The following THEMIS variants were observed in gnomAD, a reference collection of about 807,000 sequenced individuals.
THEMIS encodes the protein thymocyte selection associated.
In THEMIS, 37 loss-of-function variants were observed where a neutral mutation model predicts 52.6. That is an observed-to-expected ratio of 0.70 (90% CI 0.54 to 0.93). The LOEUF (loss-of-function observed/expected upper bound fraction) is 0.93, where lower values mean the gene tolerates loss of function less well. THEMIS is among the 40% of genes least tolerant of loss of function. The pLI is 0.00. For synonymous variants in THEMIS, 292 were observed against 272.7 expected, an observed-to-expected ratio of 1.07 and a Z score of -0.70; for missense variants, 808 against 763.1, an observed-to-expected ratio of 1.06 and a Z score of -0.69.
At chr6:127,819,683 G>T in intron 3 of THEMIS, among the ~76,000 whole-genome samples, 1 of 152,128 alleles carries the variant, frequency 6.6e-6, no homozygotes, top group East Asian at 1.9e-4. Context: ...TGCATCCAGT[G>T]AAATCATCCT....
chr6:127,731,058 T>C (rs1004963667), intron 4 of THEMIS, among the ~76,000 whole-genome samples: 1 of 152,380 alleles, frequency 6.6e-6, no homozygotes, highest in South Asian at 2.1e-4. Context: ...ACTTTGCTTC[T>C]ATAAATTAGG....
rs1293933366 is a variant in THEMIS, at chr6:127,785,255, CT to C, written c.1758+27627del. On this transcript the variant is annotated intron_variant, in intron 4 of 5. Transcript: ENST00000368248. ...ATCTATCTATCTATCTATCTATCAT[CT>C]ATCTATTTATCACCTATCTACCTGT... is the stretch of plus-strand genomic sequence containing the variant. Among the ~76,000 whole-genome samples, 7 of 135,934 alleles carry C rather than the reference CT, an allele frequency of 5.1e-5. 1 individual carries two copies. Among genetic ancestry groups the C allele is most frequent in the East Asian group, 2.1e-4 (1 of 4,772 alleles). 89.2% of individuals were successfully genotyped at this position (135,934 alleles called of 152,430 possible).
chr6:127,856,115 G>A (rs990254688), intron 1 of THEMIS, among the ~76,000 whole-genome samples: 2 of 151,914 alleles, frequency 1.3e-5, no homozygotes, highest in African/African-American at 4.8e-5. Context: ...GATGATTTAC[G>A]TTGTCTTTGC....
intron 1 of THEMIS, among the ~76,000 whole-genome samples, chr6:127,888,877 C>G (rs1780721869): frequency 6.6e-6 from 1 of 152,038 alleles, no homozygotes; most frequent in South Asian, 2.1e-4. Context: ...AGTAACTTCC[C>G]TGACATTATA....
chr6:127,871,953 C>A (rs1780170212), intron 1 of THEMIS, among the ~76,000 whole-genome samples: 1 of 152,112 alleles, frequency 6.6e-6, no homozygotes, highest in South Asian at 2.1e-4. Context: ...GCTAGTGAAG[C>A]TAGTATTGCC....
At chr6:127,888,314 A>G (rs1780705265) in intron 1 of THEMIS, among the ~76,000 whole-genome samples, 1 of 152,102 alleles carries the variant, frequency 6.6e-6, no homozygotes, top group African/African-American at 2.4e-5. Context: ...GACATCCATG[A>G]TTCTAGATGC....
chr6:127,906,955 A>C (rs1041415879), intron 1 of THEMIS, among the ~76,000 whole-genome samples: 3 of 150,108 alleles, frequency 2.0e-5, no homozygotes, highest in Non-Finnish European at 3.0e-5. Context: ...TTAAAAAACA[A>C]AAAAAAAAAT....
At chr6:127,871,628 A>G (rs1780158853) in intron 1 of THEMIS, among the ~76,000 whole-genome samples, 1 of 152,140 alleles carries the variant, frequency 6.6e-6, no homozygotes, top group Admixed American at 6.6e-5. Flanking sequence ...GCACTACAGA[A>G]CATTCAGACA....
At chr6:127,787,329 T>C (rs1776986090) in intron 4 of THEMIS, among the ~76,000 whole-genome samples, 1 of 152,056 alleles carries the variant, frequency 6.6e-6, no homozygotes, top group Non-Finnish European at 1.5e-5. Context: ...TTCCTTTAGC[T>C]GGAAAACTTG....
At chr6:127,875,783 T>A (rs1438824338) in intron 1 of THEMIS, among the ~76,000 whole-genome samples, 2 of 152,208 alleles carry the variant, frequency 1.3e-5, no homozygotes, top group Admixed American at 6.5e-5. Flanking sequence ...GTAGACTGTT[T>A]CAGAGCTTTG....
At chr6:127,871,795 T>G (rs1780165248) in intron 1 of THEMIS, among the ~76,000 whole-genome samples, 1 of 152,136 alleles carries the variant, frequency 6.6e-6, no homozygotes, top group Admixed American at 6.6e-5. Context: ...TTAAGGAAAT[T>G]TAATTCATAT....
At chr6:127,906,471 T>C (rs1419624264) in intron 1 of THEMIS, among the ~76,000 whole-genome samples, 3 of 152,030 alleles carry the variant, frequency 2.0e-5, no homozygotes, top group African/African-American at 7.2e-5. Context: ...TAGTCACTCA[T>C]CTATATTACA....
At chr6:127,791,376 A>T (rs1466363629) in intron 4 of THEMIS, among the ~76,000 whole-genome samples, 10 of 152,034 alleles carry the variant, frequency 6.6e-5, no homozygotes, top group Admixed American at 6.5e-4. Flanking sequence ...CTCTCAGGAG[A>T]CAGGAGACCC....
Position 127,898,590 on chromosome 6 carries a change from T to TCA in THEMIS, c.91+2250_91+2251dup, listed in dbSNP as rs563313040. Among the ~76,000 whole-genome samples, 1,201 of 150,690 alleles carry TCA rather than the reference T, an allele frequency of 8.0e-3. 14 individuals carry two copies. The highest frequency in any genetic ancestry group is 0.025 in the African/African-American group (1,051 of 41,236). ...CACTATGAGAAACAGTGTGAAGTTT[T>TCA]CACACACACACACACACAAAAATAG... is the stretch of plus-strand genomic sequence containing the variant. On this transcript the variant is annotated intron_variant, in intron 1 of 5. Transcript: ENST00000368248.
chr6:127,912,202 T>C (rs1781428533), intron 1 of THEMIS, among the ~76,000 whole-genome samples: 1 of 152,184 alleles, frequency 6.6e-6, no homozygotes, highest in African/African-American at 2.4e-5. Flanking sequence ...TAGACTTGCA[T>C]GAGACCTGTA....
chr6:127,792,992 C>T (rs1777208736), intron 4 of THEMIS, among the ~76,000 whole-genome samples: 1 of 152,174 alleles, frequency 6.6e-6, no homozygotes, highest in African/African-American at 2.4e-5. Flanking sequence ...GCCATTTCCA[C>T]CTTTCATTCC....
At chr6:127,887,995 G>A (rs1050359537) in intron 1 of THEMIS, among the ~76,000 whole-genome samples, 6 of 152,100 alleles carry the variant, frequency 3.9e-5, no homozygotes, top group African/African-American at 1.4e-4. Context: ...CCAGGGAAAG[G>A]GGAGTAGAAA....
At chr6:127,844,952 ATTT>A (rs1779165939) in intron 2 of THEMIS, among the ~76,000 whole-genome samples, 1 of 151,870 alleles carries the variant, frequency 6.6e-6, no homozygotes. Flanking sequence ...ATAATTGAAC[ATTT>A]TTGAGGTGTC....
chr6:127,731,986 G>A (rs1019212999), intron 4 of THEMIS, among the ~76,000 whole-genome samples: 2 of 147,418 alleles, frequency 1.4e-5, no homozygotes, highest in African/African-American at 5.0e-5. Context: ...GGTTACAAGC[G>A]TGAGCCACCT....
Sources: allele counts gnomAD v4.1 joint callset (sites outside exome capture counted in the v4.1 genomes callset), GRCh38; gene constraint gnomAD v4.1.1; transcripts MANE v1.5; gene names NCBI Gene and HGNC (gene_info 2026-07-23, HGNC 2026-07-21).